Variants in MAPK10 observed in about 807,000 individuals in gnomAD.
The protein encoded by MAPK10 is JNK3 alpha protein kinase.
A neutral mutation model predicts 59.3 loss-of-function variants in MAPK10; 25 were observed. The observed-to-expected ratio is 0.42, with a 90% CI of 0.31 to 0.59. The LOEUF is 0.59. Ranked by LOEUF, MAPK10 falls within the 20% of genes least tolerant of loss-of-function variation. MAPK10 has a pLI of 0.15. For missense variants in MAPK10, 351 were observed against 568.9 expected, an observed-to-expected ratio of 0.62 and a Z score of 3.90; for synonymous variants, 190 against 200.5, an observed-to-expected ratio of 0.95 and a Z score of 0.44.
chr4:86,421,487 G>A (rs1746534003), intron 1 of MAPK10, among the ~76,000 whole-genome samples: 1 of 152,184 alleles, frequency 6.6e-6, no homozygotes, highest in South Asian at 2.1e-4. Context: ...ACTCACAAGT[G>A]TCTTAGTGAG....
At position 86,135,338 on chromosome 4, in the gene MAPK10, T is replaced by C. The variant is rs183715605; in HGVS notation, c.236+23960A>G. On this transcript the variant is annotated intron_variant, in intron 4 of 13. Transcript: ENST00000641462. ...ATCTCCCAGCATACAGCTGGAGATC[T>C]GAGAAGGGGCAGACTGCCTCCTCAA... is the stretch of plus-strand genomic sequence containing the variant. Among the ~76,000 whole-genome samples, 19 of 152,298 alleles carry C rather than the reference T, an allele frequency of 1.2e-4. No homozygotes were observed. The East Asian group carries it at 2.3e-3, about 19-fold the overall frequency.
chr4:86,143,297 A>T (rs567795140), intron 4 of MAPK10, among the ~76,000 whole-genome samples: 24 of 152,148 alleles, frequency 1.6e-4, no homozygotes, highest in Non-Finnish European at 3.2e-4. Flanking sequence ...ATAATTCAAG[A>T]TGAGATTTTG....
chr4:86,121,347 T>A (rs2059212074), intron 4 of MAPK10, among the ~76,000 whole-genome samples: 2 of 152,142 alleles, frequency 1.3e-5, no homozygotes, highest in Admixed American at 1.3e-4. Flanking sequence ...ACTAGCTCTT[T>A]GGGGTCTCTT....
intron 2 of MAPK10, among the ~76,000 whole-genome samples, chr4:86,307,359 C>T (rs1464463652): frequency 6.6e-6 from 1 of 152,020 alleles, no homozygotes; most frequent in East Asian, 1.9e-4. Context: ...ATTCAACTGG[C>T]CTAATACTTT....
intron 1 of MAPK10, among the ~76,000 whole-genome samples, chr4:86,464,382 C>A (rs1368940239): frequency 6.6e-6 from 1 of 152,182 alleles, no homozygotes; most frequent in Non-Finnish European, 1.5e-5. Flanking sequence ...GTATTCACTG[C>A]TTTTGATATG....
At chr4:86,556,379 TA>T (rs1196308889) in intron 1 of MAPK10, among the ~76,000 whole-genome samples, 102 of 152,320 alleles carry the variant, frequency 6.7e-4, no homozygotes, top group African/African-American at 2.4e-3. Flanking sequence ...TGAAATGCTT[TA>T]TTTTTTTTAC....
chr4:86,029,422 C>T (rs1168071832), intron 12 of MAPK10, 148 bp from the exon 13 acceptor site: 1 of 602,742 alleles, frequency 1.7e-6, no homozygotes, highest in East Asian at 2.8e-5. Context: ...ATTTCTATTT[C>T]TATATTGCCT....
At chr4:86,329,894 A>G (rs752457266) in intron 2 of MAPK10, among the ~76,000 whole-genome samples, 3 of 152,212 alleles carry the variant, frequency 2.0e-5, no homozygotes, top group Non-Finnish European at 4.4e-5. Context: ...TAAATATCAC[A>G]AGCAATGAAG....
At chr4:86,435,173 G>A (rs1307630460) in intron 1 of MAPK10, among the ~76,000 whole-genome samples, 2 of 152,168 alleles carry the variant, frequency 1.3e-5, no homozygotes, top group Admixed American at 6.5e-5. Flanking sequence ...TATAAAGGTA[G>A]TTATAACTGC....
chr4:86,246,550 G>A (rs757972957), intron 2 of MAPK10, among the ~76,000 whole-genome samples: 14 of 152,172 alleles, frequency 9.2e-5, no homozygotes, highest in South Asian at 2.1e-4. Context: ...TTAACACAAC[G>A]CCAATTTTGG....
intron 2 of MAPK10, among the ~76,000 whole-genome samples, chr4:86,297,525 C>T (rs2095389323): frequency 6.6e-6 from 1 of 152,130 alleles, no homozygotes; most frequent in Admixed American, 6.5e-5. Flanking sequence ...GTTGGCCAGG[C>T]TGGTCTCGAA....
intron 1 of MAPK10, among the ~76,000 whole-genome samples, chr4:86,467,463 T>C (rs1158418614): frequency 2.0e-5 from 3 of 152,190 alleles, no homozygotes; most frequent in South Asian, 4.1e-4. Flanking sequence ...AGGTGATGTA[T>C]AGAGACAATG....
intron 1 of MAPK10, among the ~76,000 whole-genome samples, chr4:86,529,023 A>C (rs1184382886): frequency 1.3e-5 from 2 of 152,098 alleles, no homozygotes; most frequent in African/African-American, 4.8e-5. Context: ...ACCACCACCA[A>C]CCTCTTCCTT....
At chr4:86,434,666 G>C (rs1345720708) in intron 1 of MAPK10, among the ~76,000 whole-genome samples, 1 of 152,206 alleles carries the variant, frequency 6.6e-6, no homozygotes, top group Non-Finnish European at 1.5e-5. Flanking sequence ...AGGATGTGGA[G>C]AAAGGGGAAA....
At chr4:86,276,292 G>T (rs2094573305) in intron 2 of MAPK10, among the ~76,000 whole-genome samples, 1 of 151,950 alleles carries the variant, frequency 6.6e-6, no homozygotes, top group Non-Finnish European at 1.5e-5. Context: ...ACCACTAGCT[G>T]TTTCAAATTA....
At chr4:86,530,196 T>C (rs765660078) in intron 1 of MAPK10, among the ~76,000 whole-genome samples, 3 of 152,034 alleles carry the variant, frequency 2.0e-5, no homozygotes, top group Non-Finnish European at 4.4e-5. Flanking sequence ...TTTAAGAACC[T>C]TGGGTGAGAA....
At chr4:86,512,100 T>G in intron 1 of MAPK10, among the ~76,000 whole-genome samples, 1 of 152,166 alleles carries the variant, frequency 6.6e-6, no homozygotes, top group East Asian at 1.9e-4. Context: ...TGAAAGATTT[T>G]TGACTCCTAA....
At chr4:86,078,075 T>A (rs894074898) in intron 9 of MAPK10, among the ~76,000 whole-genome samples, 9 of 152,190 alleles carry the variant, frequency 5.9e-5, no homozygotes, top group Admixed American at 5.9e-4. Context: ...ATCTACAAGA[T>A]TCTGAGTCCA....
chr4:86,278,303 C>T (rs577212535), intron 2 of MAPK10, among the ~76,000 whole-genome samples: 1 of 152,252 alleles, frequency 6.6e-6, no homozygotes, highest in Non-Finnish European at 1.5e-5. Flanking sequence ...CCCTAGTGTC[C>T]TAGTACATTT....
Sources: gnomAD v4.1 joint callset for allele counts (sites outside exome capture counted in the v4.1 genomes callset) on GRCh38, gnomAD v4.1.1 for gene constraint, MANE v1.5 for transcripts, NCBI Gene and HGNC (gene_info 2026-07-23, HGNC 2026-07-21) for gene names.